Variants in CTBP2 observed in about 807,000 individuals in gnomAD.
The protein encoded by CTBP2 is C-terminal-binding protein 2.
Under a neutral mutation model 80.3 loss-of-function variants are expected in CTBP2, and 30 were observed. The ratio of observed to expected loss-of-function variants is 0.37; its 90% CI spans 0.28 to 0.51. The LOEUF is 0.51. CTBP2 is among the 20% of genes least tolerant of loss of function. The pLI is 0.93. For missense variants in CTBP2, 1,212 were observed against 1,375.3 expected (o/e 0.88, Z 1.88); for synonymous variants, 594 against 587.4 (o/e 1.01, Z -0.16).
At chr10:125,139,462 A>ACTT (rs1565018596) in intron 1 of CTBP2, among the ~76,000 whole-genome samples, 4 of 151,846 alleles carry the variant, frequency 2.6e-5, no homozygotes, top group African/African-American at 4.8e-5. Flanking sequence ...GAATGAGGGC[A>ACTT]GAGGATTTTC....
intron 2 of CTBP2, among the ~76,000 whole-genome samples, chr10:125,086,956 G>A (rs778328259): frequency 6.6e-6 from 1 of 152,040 alleles, no homozygotes; most frequent in Non-Finnish European, 1.5e-5. Context: ...CGACACACAC[G>A]TGCGCCCACA....
intron 1 of CTBP2, among the ~76,000 whole-genome samples, chr10:125,012,388 G>A (rs990713470): frequency 1.3e-5 from 2 of 152,178 alleles, no homozygotes; most frequent in Non-Finnish European, 2.9e-5. Flanking sequence ...CTCATGCACA[G>A]GATAGGGACA....
intron 4 of CTBP2, 159 bp downstream of exon 6, chr10:124,997,805 T>C: frequency 1.4e-6 from 1 of 708,866 alleles, no homozygotes; most frequent in Non-Finnish European, 2.3e-6. Flanking sequence ...CTGATGGGTC[T>C]TGACTCCGAT....
At chr10:125,082,966 C>T (rs1847405790) in intron 2 of CTBP2, among the ~76,000 whole-genome samples, 1 of 152,268 alleles carries the variant, frequency 6.6e-6, no homozygotes, top group Non-Finnish European at 1.5e-5. Flanking sequence ...AGCTCAGAAG[C>T]CAATGCTCCA....
At chr10:124,991,895 G>GGGGGC (rs1564998792) in intron 8 of CTBP2, among the ~76,000 whole-genome samples, 1 of 118,930 alleles carries the variant, frequency 8.4e-6, no homozygotes, top group Non-Finnish European at 1.6e-5. Flanking sequence ...AGCAATAATG[G>GGGGGC]GGGGGGGGGT....
At chr10:124,995,063 A>G (rs1036963537) in intron 4 of CTBP2, among the ~76,000 whole-genome samples, 9 of 152,060 alleles carry the variant, frequency 5.9e-5, no homozygotes, top group African/African-American at 2.2e-4. Context: ...TGTGCACTGC[A>G]GGCTTCTTAA....
intron 2 of CTBP2, among the ~76,000 whole-genome samples, chr10:125,077,435 G>A (rs888956508): frequency 1.3e-5 from 2 of 152,100 alleles, no homozygotes; most frequent in Admixed American, 1.3e-4. Context: ...TGTGTTCTTA[G>A]AGCAACAGGA....
chr10:125,029,444 C>T (rs1467486991), upstream of CTBP2, among the ~76,000 whole-genome samples: 3 of 152,056 alleles, frequency 2.0e-5, no homozygotes, highest in Non-Finnish European at 4.4e-5. Context: ...CATGTCTCTA[C>T]TCTATCTACT....
chr10:125,039,866 T>C (rs1026752010), intron 2 of CTBP2, among the ~76,000 whole-genome samples: 1 of 152,154 alleles, frequency 6.6e-6, no homozygotes, highest in African/African-American at 2.4e-5. Flanking sequence ...TTTCTTAGTG[T>C]GAGAGTGTAA....
rs75945055 is a variant in CTBP2 at position 125,135,640 on chromosome 10, G to A, written c.-205-24547C>T. ...AGCTAGCCCTCCTCTCCATCCCCAC[G>A]CACACAGGCACCTCACCCTATGGAG... On this transcript the variant is annotated intron_variant, in intron 1 of 10. Transcript: ENST00000337195. Among the ~76,000 whole-genome samples the A allele has an allele frequency of 1.5e-3, 234 of 152,228 alleles. 2 individuals are homozygous for A. The highest frequency in any genetic ancestry group is 6.8e-3 in the Middle Eastern group (2 of 294).
chr10:125,103,719 C>T (rs1047866438), intron 2 of CTBP2, among the ~76,000 whole-genome samples: 5 of 152,136 alleles, frequency 3.3e-5, no homozygotes, highest in South Asian at 2.1e-4. Flanking sequence ...CCCACCACCG[C>T]GGAAGTGGGT....
At chr10:125,070,350 C>A (rs1387088334) in intron 2 of CTBP2, among the ~76,000 whole-genome samples, 4 of 151,730 alleles carry the variant, frequency 2.6e-5, no homozygotes, top group Non-Finnish European at 4.4e-5. Flanking sequence ...GACTCTGTCT[C>A]AAACAAACAA....
In CTBP2 at chr10:125,098,657, G is replaced by GGAGA. The variant is rs565818097; in HGVS notation, c.-102+12329_-102+12332dup. Among the ~76,000 whole-genome samples, 48 of 44,958 alleles carry GGAGA rather than the reference G, an allele frequency of 1.1e-3. 2 individuals carry two copies. The highest frequency in any genetic ancestry group is 1.6e-3 in the Non-Finnish European group (39 of 24,364). The allele number at this position is 44,958 out of a possible 152,430, so 29.5% of individuals were successfully genotyped here. On this transcript the variant is annotated intron_variant, in intron 2 of 10. Coordinates refer to the CTBP2 transcript ENST00000337195. ...GAACAGAGAGAGAAATGGGGGAGGG[G>GGAGA]GAGAGAGAGAGAGAGAGAGAGAGAG... is the stretch of plus-strand genomic sequence containing the variant.
chr10:125,141,943 G>C (rs1447231952), intron 1 of CTBP2, among the ~76,000 whole-genome samples: 4 of 152,166 alleles, frequency 2.6e-5, no homozygotes, highest in African/African-American at 7.2e-5. Context: ...TCTGGACCTG[G>C]AGCCAGCGGC....
rs368715265 is a variant in CTBP2, at chr10:124,986,982, T to TATCA, written c.*2532_*2535dup. On this transcript the variant is annotated 3_prime_UTR_variant, in exon 9 of 9. Transcript: ENST00000309035. Reference sequence around the variant, plus strand: ...AGCGCTCTATTATTTATTTATTTATTATCAATCAGTGACCCTGACCACATA... The same window carrying TATCA: ...AGCGCTCTATTATTTATTTATTTATTATCAATCAATCAGTGACCCTGACCACATA... The TATCA allele has an allele frequency of 0.082, 12,468 of 152,594 alleles. 695 individuals carry two copies. The highest frequency in any genetic ancestry group is 0.16 in the Admixed American group (2,424 of 15,276). 9.5% of individuals were successfully genotyped at this position (152,594 alleles called of 1,614,324 possible).
chr10:125,061,656 G>A (rs958683089), intron 2 of CTBP2, among the ~76,000 whole-genome samples: 3 of 152,160 alleles, frequency 2.0e-5, no homozygotes, highest in Non-Finnish European at 4.4e-5. Flanking sequence ...CCAAGCCAGA[G>A]GCAACTGAGA....
At chr10:124,999,811 C>T (rs984775441) in intron 3 of CTBP2, 2 of 152,224 alleles carry the variant, frequency 1.3e-5, no homozygotes, top group African/African-American at 2.4e-5. Flanking sequence ...GAGGCTGATG[C>T]CAGAGGTTCA....
intron 3 of CTBP2, among the ~76,000 whole-genome samples, chr10:125,036,669 GTGTGTGT>G (rs1437972208): frequency 4.0e-4 from 2 of 4,972 alleles, no homozygotes; most frequent in African/African-American, 1.5e-3. Context: ...GCTAGAGGGG[GTGTGTGT>G]GTGTGTGTGT....
intron 2 of CTBP2, among the ~76,000 whole-genome samples, chr10:125,053,522 C>T (rs1309450170): frequency 6.6e-6 from 1 of 152,166 alleles, no homozygotes; most frequent in Non-Finnish European, 1.5e-5. Context: ...ATGAGTGGCT[C>T]CTGGGCTCAG....
Sources: allele counts gnomAD v4.1 joint callset (sites outside exome capture counted in the v4.1 genomes callset), GRCh38; gene constraint gnomAD v4.1.1; transcripts MANE v1.5; gene names NCBI Gene and HGNC (gene_info 2026-07-23, HGNC 2026-07-21).